Variants in KCNH4 observed in about 807,000 individuals in gnomAD.
KCNH4 encodes voltage-gated delayed rectifier potassium channel KCNH4.
Under a neutral mutation model 90.7 loss-of-function variants are expected in KCNH4, and 33 were observed. That is an observed-to-expected ratio of 0.36 (90% confidence interval 0.28 to 0.49). The LOEUF is 0.49. Ranked by LOEUF, KCNH4 falls within the 20% of genes least tolerant of loss-of-function variation. The probability of loss-of-function intolerance (pLI) is 0.98; values close to 1 mark genes in which losing one functional copy is unlikely to be tolerated. For missense variants in KCNH4, 1,044 were observed against 1,387.1 expected, an observed-to-expected ratio of 0.75 and a Z score of 3.93; for synonymous variants, 551 against 581.7, an observed-to-expected ratio of 0.95 and a Z score of 0.76.
At chr17:42,170,058 A>G in intron 8 of KCNH4, 49 bp downstream of exon 8, 1 of 1,525,240 alleles carries the variant, frequency 6.6e-7, no homozygotes, top group South Asian at 1.3e-5. Context: ...TTCCCCGTGC[A>G]TGCTGGGCTT....
chr17:42,167,949 A>C (rs1023959723), intron 9 of KCNH4, among the ~76,000 whole-genome samples: 1 of 152,100 alleles, frequency 6.6e-6, no homozygotes, highest in African/African-American at 2.4e-5. Context: ...CTCCCTCCGC[A>C]GCACTCACAT....
intron 6 of KCNH4, among the ~76,000 whole-genome samples, chr17:42,172,266 G>A (rs935774293): frequency 2.0e-5 from 3 of 150,990 alleles, no homozygotes; most frequent in Non-Finnish European, 2.9e-5. Flanking sequence ...GCAGTGGCGA[G>A]ATCTCAGCTC....
intron 9 of KCNH4, among the ~76,000 whole-genome samples, chr17:42,169,111 G>C (rs867830400): frequency 3.6e-4 from 54 of 151,436 alleles, no homozygotes; most frequent in African/African-American, 1.3e-3. Context: ...ACAGAGTCTA[G>C]CTCTGTCACC....
At position 42,162,254 on chromosome 17, in the gene KCNH4, G is replaced by C; in HGVS notation, c.2652C>G (p.Asn884Lys). Residue 884 changes from asparagine (N) to lysine (K), a missense_variant, in exon 15 of 17, where the codon AAC (asparagine) becomes AAG (lysine). Physicochemically the swap from Asn to Lys is moderately conservative, Grantham distance 94. This residue lies in a region of KCNH4 where 441 missense variants were observed against 512.3 expected (regional missense o/e 0.86). Transcript: ENST00000264661. ...EEVKEKVCRL[N>K]QEISRLNQEV... is the part of the protein sequence containing the mutation. The stretch of plus-strand genomic sequence containing the variant: ...TGAGCCAGCCCCAACCCACCTCCTG[G>C]TTCAGCCGGCAAACCTTTTCCTTCA... The C allele has an allele frequency of 6.2e-7, 1 of 1,613,800 alleles. No homozygotes were observed. Among genetic ancestry groups the C allele is most frequent in the Non-Finnish European group, 8.5e-7 (1 of 1,179,890 alleles).
At chr17:42,172,570 C>CAG (rs2079835044) in intron 6 of KCNH4, among the ~76,000 whole-genome samples, 1 of 141,466 alleles carries the variant, frequency 7.1e-6, no homozygotes, top group Non-Finnish European at 1.5e-5. Context: ...CACACACACA[C>CAG]ACACACACAC....
At chr17:42,176,367 C>G in intron 4 of KCNH4, 70 bp from the exon 5 acceptor site, 2 of 1,400,174 alleles carry the variant, frequency 1.4e-6, no homozygotes, top group Middle Eastern at 2.0e-4. Flanking sequence ...GTGGGAAAGG[C>G]AGGGGATGGG....
Position 42,178,911 on chromosome 17 carries a change from G to A in KCNH4, c.192C>T (p.Thr64=). Residue 64 remains threonine (T), a synonymous_variant, in exon 2 of 17, where the codon ACC becomes ACT. Coordinates refer to ENST00000264661, the MANE Select transcript of KCNH4 (RefSeq NM_012285.3). ...GYGRTEVMQK[T]CSCRFLYGPE... is the part of the protein sequence containing the mutation. ...GGCCGTAGAGGAAACGGCAGCTGCAGGTCTTCTGCATGACCTCGGTGCGAC... is the reference window on the plus strand; with the variant it reads ...GGCCGTAGAGGAAACGGCAGCTGCAAGTCTTCTGCATGACCTCGGTGCGAC... The A allele has an allele frequency of 6.2e-7, 1 of 1,614,224 alleles. No homozygotes were observed. Among genetic ancestry groups the A allele is most frequent in the South Asian group, 1.1e-5 (1 of 91,088 alleles).
At position 42,163,996 on chromosome 17, in the gene KCNH4, GAAC is replaced by G. The variant is rs749231552; in HGVS notation, c.2125-41_2125-39del. 179 of 1,502,218 alleles carry G rather than the reference GAAC, an allele frequency of 1.2e-4. No homozygotes were observed. The highest frequency in any genetic ancestry group is 1.5e-4 in the Non-Finnish European group (172 of 1,118,614). 93.1% of individuals were successfully genotyped at this position (1,502,218 alleles called of 1,614,324 possible). ...GGGGCAGCTGATGTCGCAGGACAGT[GAAC>G]AACAGACCCCTTCATTAAGTAAGAG... On this transcript the variant is annotated intron_variant, in intron 12 of 16. Coordinates refer to ENST00000264661, the MANE Select transcript of KCNH4 (RefSeq NM_012285.3). The surrounding 1 kb of genome is among the most constrained non-coding windows in gnomAD (Gnocchi z 5.4).
Position 42,170,092 on chromosome 17 carries a change from C to T in KCNH4, c.1390+15G>A. 1 of 1,575,868 alleles carries T rather than the reference C, an allele frequency of 6.3e-7. No individual in the cohort carries two copies. On this transcript the variant is annotated intron_variant, in intron 8 of 16. Coordinates refer to ENST00000264661, the MANE Select transcript of KCNH4 (RefSeq NM_012285.3). Reference sequence around the variant, plus strand: ...TTCGCAGGGCCCCACTGAGGCGTGGCAGGTCTGGCCTCACCGCCTATGAGC... The same window carrying T: ...TTCGCAGGGCCCCACTGAGGCGTGGTAGGTCTGGCCTCACCGCCTATGAGC...
chr17:42,170,224 C>G lies in KCNH4; in HGVS notation c.1273G>C (p.Ala425Pro). ...GTGAAGTACAGTGCCGCGATGTAGGCGCTGCGCCGTGATGGGCCGCCCACC... is the reference window on the plus strand; with the variant it reads ...GTGAAGTACAGTGCCGCGATGTAGGGGCTGCGCCGTGATGGGCCGCCCACC... ...GSVGGPSRRS[A>P]YIAALYFTLS... Residue 425 changes from alanine (A) to proline (P), a missense_variant, in exon 8 of 17, where the codon GCC (alanine) becomes CCC (proline). Physicochemically the swap from Ala to Pro is conservative, Grantham distance 27. Coordinates refer to ENST00000264661, the MANE Select transcript of KCNH4 (RefSeq NM_012285.3). The G allele has an allele frequency of 6.2e-7, 1 of 1,611,634 alleles. No homozygotes were observed. Among genetic ancestry groups the G allele is most frequent in the Non-Finnish European group, 8.5e-7 (1 of 1,179,942 alleles).
intron 7 of KCNH4, among the ~76,000 whole-genome samples, chr17:42,171,393 G>C (rs1038767477): frequency 6.6e-6 from 1 of 152,112 alleles, no homozygotes; most frequent in Non-Finnish European, 1.5e-5. Flanking sequence ...GATTCCAAGG[G>C]CCTGGGGCTG....
chr17:42,172,313 G>A (rs1166859983), intron 6 of KCNH4, among the ~76,000 whole-genome samples: 1 of 151,310 alleles, frequency 6.6e-6, no homozygotes, highest in Non-Finnish European at 1.5e-5. Context: ...AGCGATTCAA[G>A]GCTGCCTCAG....
chr17:42,181,074 C>A lies in KCNH4; in HGVS notation c.-129G>T. 2 of 696,366 alleles carry A rather than the reference C, an allele frequency of 2.9e-6. No homozygotes were observed. The highest frequency in any genetic ancestry group is 3.0e-5 in the Admixed American group (1 of 33,278). The allele number at this position is 696,366 out of a possible 1,614,324, so 43.1% of individuals were successfully genotyped here. On this transcript the variant is annotated 5_prime_UTR_variant, in exon 1 of 17. Coordinates refer to ENST00000264661, the MANE Select transcript of KCNH4 (RefSeq NM_012285.3). ...CTGCCTCCTCCCCTCCCTCTTACTG[C>A]CGCTGCCGCTGCCGCTGCCTCTGCT...
At chr17:42,165,275 T>C (rs2079778921) in intron 11 of KCNH4, among the ~76,000 whole-genome samples, 174 bp downstream of exon 11, 1 of 151,620 alleles carries the variant, frequency 6.6e-6, no homozygotes, top group Non-Finnish European at 1.5e-5. Context: ...ATGGCCAGTG[T>C]AGTGTCAGCG....
rs1466682146 is a variant in KCNH4 at position 42,163,728 on chromosome 17, G to A, written c.2355C>T (p.Ala785=). 1 of 1,537,980 alleles carries A rather than the reference G, an allele frequency of 6.5e-7. No individual in the cohort carries two copies. Among genetic ancestry groups the A allele is most frequent in the Non-Finnish European group, 8.7e-7 (1 of 1,146,042 alleles). ...SPSLSPSLSP[A]LAGQGHSASP... ...AGGCACTGTGGCCCTGGCCAGCCAGGGCAGGGGACAGGGATGGGGATAAGG... is the reference window on the plus strand; with the variant it reads ...AGGCACTGTGGCCCTGGCCAGCCAGAGCAGGGGACAGGGATGGGGATAAGG... Residue 785 remains alanine, a synonymous_variant, in exon 13 of 17, where the codon GCC becomes GCT. Coordinates refer to ENST00000264661, the MANE Select transcript of KCNH4 (RefSeq NM_012285.3). The surrounding 1 kb of genome is among the most constrained non-coding windows in gnomAD (Gnocchi z 5.4).
intron 4 of KCNH4, among the ~76,000 whole-genome samples, chr17:42,176,815 G>C (rs147790595): frequency 1.3e-5 from 2 of 152,056 alleles, no homozygotes; most frequent in African/African-American, 4.8e-5. Flanking sequence ...GAGCCACTGT[G>C]CCCGGCCCCA....
chr17:42,164,461 G>T (rs187188196), intron 11 of KCNH4, among the ~76,000 whole-genome samples: 1 of 152,212 alleles, frequency 6.6e-6, no homozygotes, highest in Non-Finnish European at 1.5e-5. Flanking sequence ...ATGATGCCCC[G>T]TCCAGAGAGG....
chr17:42,171,106 G>T (rs113096015), intron 7 of KCNH4, among the ~76,000 whole-genome samples: 78 of 152,152 alleles, frequency 5.1e-4, no homozygotes, highest in African/African-American at 1.7e-3. Flanking sequence ...GAGTGTAGTG[G>T]GTCAACGTTG....
intron 6 of KCNH4, among the ~76,000 whole-genome samples, chr17:42,173,808 C>T (rs1046283555): frequency 7.4e-6 from 1 of 135,646 alleles, no homozygotes; most frequent in Non-Finnish European, 1.5e-5. Context: ...TCAGACCATT[C>T]TCCTGCCTCA....
Sources: allele counts gnomAD v4.1 joint callset (sites outside exome capture counted in the v4.1 genomes callset), GRCh38; gene constraint gnomAD v4.1.1; regional missense constraint gnomAD v4.1.1; non-coding constraint Gnocchi (gnomAD v3.1); transcripts MANE v1.5; gene names NCBI Gene and HGNC (gene_info 2026-07-23, HGNC 2026-07-21).